ASMTL: variants seen among roughly 807,000 people sequenced by gnomAD.
The protein encoded by ASMTL is acetylserotonin O-methyltransferase like.
ASMTL carries 57 observed loss-of-function variants against 60.3 expected under a neutral mutation model. That is an observed-to-expected ratio of 0.95 (90% CI 0.76 to 1.18). The LOEUF is 1.18. Ranked by LOEUF, ASMTL falls within the 50% of genes most tolerant of loss-of-function variation. ASMTL has a pLI of 0.00. For missense variants in ASMTL, 981 were observed against 852.6 expected (o/e 1.15, Z -1.88); for synonymous variants, 419 against 373.0 (o/e 1.12, Z -1.42).
intron 12 of ASMTL, among the ~76,000 whole-genome samples, chrX:1,405,501 G>A (rs1349420623): frequency 6.6e-6 from 1 of 151,496 alleles, no homozygotes; most frequent in Non-Finnish European, 1.5e-5. Flanking sequence ...ATGGATGCAT[G>A]CATGAGATGG....
chrX:1,404,091 AG>A (rs1358499285), intron 12 of ASMTL, among the ~76,000 whole-genome samples: 1 of 151,648 alleles, frequency 6.6e-6, no homozygotes, highest in Admixed American at 6.6e-5. Flanking sequence ...CATGATGGGT[AG>A]GTAGGAAGAT....
chrX:1,436,340 A>G (rs1321528599), intron 3 of ASMTL, among the ~76,000 whole-genome samples: 2 of 150,960 alleles, frequency 1.3e-5, no homozygotes, highest in African/African-American at 4.9e-5. Flanking sequence ...TGCCTGGCTA[A>G]TTTTTGTTAT....
intron 1 of ASMTL, among the ~76,000 whole-genome samples, chrX:1,449,568 C>T (rs1339712949): frequency 4.0e-5 from 6 of 151,882 alleles, no homozygotes; most frequent in Non-Finnish European, 8.8e-5. Context: ...CCCACTGCAC[C>T]ATCCATAGGC....
At chrX:1,407,230 GGGTA>G (rs1370990113) in intron 12 of ASMTL, among the ~76,000 whole-genome samples, 1 of 150,060 alleles carries the variant, frequency 6.7e-6, no homozygotes, top group Non-Finnish European at 1.5e-5. Context: ...GGTAGATGAT[GGGTA>G]GGTAGGTAGA....
At chrX:1,422,235 A>G (rs28620643) in intron 8 of ASMTL, among the ~76,000 whole-genome samples, 101,339 of 151,598 alleles carry the variant, frequency 0.67, 34,872 homozygotes, top group South Asian at 0.87. Context: ...ATCTACCATC[A>G]GTTTGACTTT....
intron 1 of ASMTL, among the ~76,000 whole-genome samples, chrX:1,448,360 A>G (rs2091275972): frequency 6.7e-6 from 1 of 148,376 alleles, no homozygotes; most frequent in Non-Finnish European, 1.5e-5. Flanking sequence ...TTGGACCCAT[A>G]ACACCATCTT....
At chrX:1,431,682 T>A (rs1183588194) in intron 6 of ASMTL, among the ~76,000 whole-genome samples, 4 of 146,026 alleles carry the variant, frequency 2.7e-5, no homozygotes, top group Admixed American at 1.4e-4. Context: ...ATTAATAGAA[T>A]ATATAATGTG....
intron 11 of ASMTL, chrX:1,413,862 G>C (rs2090131787): frequency 6.6e-6 from 1 of 151,800 alleles, no homozygotes; most frequent in South Asian, 2.1e-4. Context: ...GGAGCCCCCA[G>C]GAGCTGGAAG....
chrX:1,437,844 C>G (rs1272161905), intron 3 of ASMTL, among the ~76,000 whole-genome samples: 2 of 150,692 alleles, frequency 1.3e-5, no homozygotes, highest in Admixed American at 6.6e-5. Context: ...TTGCAATGAG[C>G]TGAGATCATG....
At chrX:1,416,713 C>T (rs1386096050) in intron 11 of ASMTL, among the ~76,000 whole-genome samples, 8 of 148,704 alleles carry the variant, frequency 5.4e-5, no homozygotes, top group East Asian at 2.0e-4. Flanking sequence ...TTCTTACGCA[C>T]GCACACACAA....
intron 12 of ASMTL, among the ~76,000 whole-genome samples, chrX:1,412,448 G>A (rs1473696135): frequency 9.2e-5 from 14 of 151,764 alleles, no homozygotes; most frequent in Middle Eastern, 3.4e-3. Flanking sequence ...GGCTGGTCTC[G>A]AACTGCTCAC....
intron 2 of ASMTL, among the ~76,000 whole-genome samples, chrX:1,439,357 G>A (rs1165916870): frequency 2.0e-5 from 3 of 152,192 alleles, no homozygotes; most frequent in African/African-American, 4.8e-5. Flanking sequence ...TGAGGCCGGG[G>A]CCCACGGGGG....
intron 12 of ASMTL, among the ~76,000 whole-genome samples, chrX:1,407,040 A>T (rs868321901): frequency 1.1e-5 from 1 of 87,132 alleles, no homozygotes; most frequent in African/African-American, 4.2e-5. Context: ...GATGATGGGT[A>T]GGTAGATGGA....
At chrX:1,426,200 C>A (rs762305257) in intron 7 of ASMTL, among the ~76,000 whole-genome samples, 1 of 152,182 alleles carries the variant, frequency 6.6e-6, no homozygotes, top group Non-Finnish European at 1.5e-5. Flanking sequence ...GAGGAACCAG[C>A]CCTGCCCACA....
In ASMTL at chrX:1,450,965, T is replaced by C. The variant is rs776345056; in HGVS notation, c.93+1783A>G. Among the ~76,000 whole-genome samples the C allele has an allele frequency of 3.0e-5, 4 of 134,356 alleles. No homozygotes were observed. The East Asian group carries it at 9.9e-4, about 33-fold the overall frequency. 88.1% of individuals were successfully genotyped at this position (134,356 alleles called of 152,430 possible). On this transcript the variant is annotated intron_variant, in intron 1 of 12. Coordinates refer to ENST00000381317, the MANE Select transcript of ASMTL (RefSeq NM_004192.4). Reference sequence around the variant, plus strand: ...GGCTCACTCTCCCCTCCCCCATCCCTAGGGGTCCTGGGTTATTCTCCCCTC... The same window carrying C: ...GGCTCACTCTCCCCTCCCCCATCCCCAGGGGTCCTGGGTTATTCTCCCCTC...
upstream of ASMTL, chrX:1,452,914 A>T: frequency 8.1e-7 from 1 of 1,236,160 alleles, no homozygotes; most frequent in South Asian, 1.5e-5. Context: ...CGGCTGCAAA[A>T]AAAACAGGCG....
chrX:1,451,190 C>T, intron 1 of ASMTL, among the ~76,000 whole-genome samples: 1 of 2,688 alleles, frequency 3.7e-4, no homozygotes, highest in Non-Finnish European at 9.8e-4. Flanking sequence ...GGTCCTGGGA[C>T]ACTCCTCCCT....
chrX:1,407,427 G>A (rs2089904530), intron 12 of ASMTL, among the ~76,000 whole-genome samples: 1 of 151,412 alleles, frequency 6.6e-6, no homozygotes, highest in Admixed American at 6.6e-5. Context: ...TGAGATGGAT[G>A]GATGGGTGAA....
At chrX:1,428,851 G>C (rs1351116997) in intron 6 of ASMTL, among the ~76,000 whole-genome samples, 1 of 146,670 alleles carries the variant, frequency 6.8e-6, no homozygotes, top group African/African-American at 2.5e-5. Context: ...ACAGTCACAG[G>C]CTGTAAAGAG....
Sources: allele counts gnomAD v4.1 joint callset (sites outside exome capture counted in the v4.1 genomes callset), GRCh38; gene constraint gnomAD v4.1.1; transcripts MANE v1.5; gene names NCBI Gene and HGNC (gene_info 2026-07-23, HGNC 2026-07-21).